SOD2: variants seen among roughly 807,000 people sequenced by gnomAD.
The protein encoded by SOD2 is superoxide dismutase 2.
SOD2 carries 11 observed loss-of-function variants against 27.0 expected under a neutral mutation model. The observed-to-expected ratio is 0.41, with a 90% CI of 0.26 to 0.67. The LOEUF (loss-of-function observed/expected upper bound fraction) is 0.67. Among genes scored for constraint, SOD2 ranks in the 30% least tolerant of loss-of-function variants. The pLI, the probability that SOD2 is intolerant of heterozygous loss-of-function variation, is 0.34. For synonymous variants in SOD2, 105 were observed against 103.0 expected, an observed-to-expected ratio of 1.02 and a Z score of -0.12; for missense variants, 250 against 274.5, an observed-to-expected ratio of 0.91 and a Z score of 0.63.
intron 1 of SOD2, among the ~76,000 whole-genome samples, chr6:159,758,736 G>A (rs1475121): frequency 0.29 from 44,643 of 152,024 alleles, 7,375 homozygotes; most frequent in African/African-American, 0.45. Context: ...TCATCCTATG[G>A]CAATTCCACT....
At chr6:159,737,741 C>A (rs1438625417) in intron 1 of SOD2, among the ~76,000 whole-genome samples, 1 of 152,180 alleles carries the variant, frequency 6.6e-6, no homozygotes, top group African/African-American at 2.4e-5. Flanking sequence ...ATACTCCCGC[C>A]TCAGTCTCCC....
chr6:159,706,573 C>T (rs1046912268), intron 1 of SOD2, among the ~76,000 whole-genome samples: 9 of 152,092 alleles, frequency 5.9e-5, no homozygotes, highest in African/African-American at 1.9e-4. Flanking sequence ...GCTAACTATC[C>T]TAAATATATA....
At chr6:159,745,703 A>C (rs770803075), upstream of SOD2, among the ~76,000 whole-genome samples, 7 of 152,196 alleles carry the variant, frequency 4.6e-5, no homozygotes, top group Non-Finnish European at 1.0e-4. Context: ...GTGATGGATC[A>C]GATTTAGATT....
chr6:159,707,363 C>T (rs560568581), intron 1 of SOD2, among the ~76,000 whole-genome samples: 1 of 152,186 alleles, frequency 6.6e-6, no homozygotes, highest in African/African-American at 2.4e-5. Context: ...AATTGATAGA[C>T]CACTAGCAAG....
chr6:159,755,723 G>GTTT, intron 1 of SOD2: 1 of 834,880 alleles, frequency 1.2e-6, no homozygotes. Flanking sequence ...GTACGTTTTG[G>GTTT]TTTTTTTTTG....
At chr6:159,692,425 T>C in intron 2 of SOD2, 2 of 1,405,090 alleles carry the variant, frequency 1.4e-6, no homozygotes, top group Non-Finnish European at 1.9e-6. Flanking sequence ...GCAAGCTCCT[T>C]CGCAGGACCC....
chr6:159,697,966 C>T (rs1197489365), upstream of SOD2, among the ~76,000 whole-genome samples: 3 of 152,024 alleles, frequency 2.0e-5, no homozygotes, highest in African/African-American at 7.2e-5. Flanking sequence ...ATGGTGAAAC[C>T]CCATCTCTAC....
chr6:159,740,948 C>T lies in SOD2; in HGVS notation c.-116+4182G>A, dbSNP rs190170777. Among the ~76,000 whole-genome samples the T allele has an allele frequency of 7.9e-5, 12 of 152,062 alleles. No individual in the cohort carries two copies. In the South Asian group the frequency reaches 8.3e-4, roughly 11 times the overall value. On this transcript the variant is annotated intron_variant, in intron 1 of 3. Transcript: ENST00000537657. ...TGATTTCTTGACCTCATGATCTGCC[C>T]GCCTCGGCCTCCCAAAGTGCTGGGA...
At chr6:159,684,703 C>T in intron 4 of SOD2, 151 bp downstream of exon 4, 6 of 505,752 alleles carry the variant, frequency 1.2e-5, no homozygotes, top group Non-Finnish European at 2.1e-5. Flanking sequence ...ACTTCTAAAA[C>T]ATTTTTACTT....
At chr6:159,704,629 A>C (rs1777587313) in intron 1 of SOD2, among the ~76,000 whole-genome samples, 1 of 152,226 alleles carries the variant, frequency 6.6e-6, no homozygotes, top group Non-Finnish European at 1.5e-5. Flanking sequence ...GCAGCCAGGA[A>C]GCTCGGACTG....
At chr6:159,733,006 C>T (rs559182000) in intron 1 of SOD2, among the ~76,000 whole-genome samples, 110 of 151,550 alleles carry the variant, frequency 7.3e-4, no homozygotes, top group Non-Finnish European at 1.4e-3. Flanking sequence ...CAGCCTAATG[C>T]ATGTGTCATG....
chr6:159,731,832 A>G (rs1447308992), upstream of SOD2, among the ~76,000 whole-genome samples: 1 of 152,234 alleles, frequency 6.6e-6, no homozygotes, highest in Non-Finnish European at 1.5e-5. Context: ...CCTGTTTCAG[A>G]ATACCAAGGT....
At chr6:159,713,164 A>C in intron 1 of SOD2, 3 of 1,259,022 alleles carry the variant, frequency 2.4e-6, no homozygotes, top group Non-Finnish European at 3.3e-6. Flanking sequence ...TGGACCCACT[A>C]TCTCCGTATC....
At chr6:159,704,678 C>T (rs1349057067) in intron 1 of SOD2, among the ~76,000 whole-genome samples, 1 of 152,232 alleles carries the variant, frequency 6.6e-6, no homozygotes, top group Non-Finnish European at 1.5e-5. Context: ...CTGCCTGCCT[C>T]TGTAGACTCC....
intron 1 of SOD2, chr6:159,753,736 A>G: frequency 1.2e-5 from 15 of 1,263,938 alleles, no homozygotes; most frequent in Non-Finnish European, 1.6e-5. Context: ...ATGATTGTAT[A>G]TTATTGTGAG....
chr6:159,702,011 G>C (rs935451062), intron 1 of SOD2, among the ~76,000 whole-genome samples: 7 of 152,118 alleles, frequency 4.6e-5, no homozygotes, highest in Admixed American at 3.9e-4. Context: ...TTGTATCTAA[G>C]GTTTTTCCTA....
intron 1 of SOD2, chr6:159,736,245 C>CTTT: frequency 7.6e-7 from 1 of 1,314,386 alleles, no homozygotes; most frequent in Non-Finnish European, 1.0e-6. Context: ...TTTTCCGCAA[C>CTTT]TTTTTTTTTT....
upstream of SOD2, chr6:159,749,453 A>G: frequency 1.0e-6 from 1 of 979,966 alleles, no homozygotes; most frequent in South Asian, 4.7e-5. Context: ...AGTTCAAAGA[A>G]TATTATGATG....
upstream of SOD2, among the ~76,000 whole-genome samples, chr6:159,747,624 C>A (rs1395823293): frequency 6.6e-6 from 1 of 152,046 alleles, no homozygotes; most frequent in African/African-American, 2.4e-5. Context: ...TAATCTTGCA[C>A]CTGATGTATT....
Sources: allele counts gnomAD v4.1 joint callset (sites outside exome capture counted in the v4.1 genomes callset), GRCh38; gene constraint gnomAD v4.1.1; transcripts MANE v1.5; gene names NCBI Gene and HGNC (gene_info 2026-07-23, HGNC 2026-07-21).